OR3A3: variants seen among roughly 807,000 people sequenced by gnomAD.
The protein encoded by OR3A3 is olfactory receptor 3A3.
For synonymous variants in OR3A3, 103 were observed against 163.9 expected (o/e 0.63, Z 2.84); for missense variants, 275 against 391.4 (o/e 0.70, Z 2.51).
exon 3 of OR3A3, chr17:3,421,566 G>A (rs761199940): frequency 1.7e-5 from 25 of 1,513,850 alleles, no homozygotes; most frequent in African/African-American, 2.8e-5. Context: ...TTTCTGGACC[G>A]AGGAAAATTT....
At chr17:3,413,830 C>CAAAAAA (rs764854122) in intron 2 of OR3A3, among the ~76,000 whole-genome samples, 1 of 74,944 alleles carries the variant, frequency 1.3e-5, no homozygotes, top group Non-Finnish European at 3.4e-5. Flanking sequence ...CAAAAAAAAA[C>CAAAAAA]AAAAAAACAA....
intron 2 of OR3A3, among the ~76,000 whole-genome samples, chr17:3,417,518 G>T (rs2072399818): frequency 6.6e-6 from 1 of 151,998 alleles, no homozygotes; most frequent in Non-Finnish European, 1.5e-5. Context: ...CAGTTATTTT[G>T]TTTTCTTTTT....
At chr17:3,412,861 C>T (rs2072369883) in intron 2 of OR3A3, among the ~76,000 whole-genome samples, 1 of 152,114 alleles carries the variant, frequency 6.6e-6, no homozygotes, top group Admixed American at 6.5e-5. Flanking sequence ...AACCTTGCAC[C>T]CTGCATTTAA....
chr17:3,416,390 C>A (rs2072391704), intron 2 of OR3A3, among the ~76,000 whole-genome samples: 1 of 151,490 alleles, frequency 6.6e-6, no homozygotes, highest in Non-Finnish European at 1.5e-5. Flanking sequence ...TTTATGATTT[C>A]ATATTTTCTT....
intron 2 of OR3A3, among the ~76,000 whole-genome samples, chr17:3,418,250 A>T (rs190523485): frequency 3.3e-5 from 5 of 152,286 alleles, no homozygotes; most frequent in Admixed American, 3.3e-4. Context: ...ATCTTTAACT[A>T]GACCTTGTGC....
In OR3A3 at chr17:3,420,430, C is replaced by G. The variant is rs901908; in HGVS notation, c.-6-150C>G. The G allele has an allele frequency of 2.1e-4, 281 of 1,354,474 alleles. No homozygotes were observed. The African/African-American group carries it at 3.6e-3, about 17-fold the overall frequency. The allele number at this position is 1,354,474 out of a possible 1,614,324, so 83.9% of individuals were successfully genotyped here. A position where few individuals can be genotyped will look rare whatever the true frequency, so the allele number is the denominator to read the frequency against. Reference sequence around the variant, plus strand: ...ACAAGGTGGTGGTGGCATTCGGCATCTCAACCAAGAGCAAGGTAAAGGCAT... The same window carrying G: ...ACAAGGTGGTGGTGGCATTCGGCATGTCAACCAAGAGCAAGGTAAAGGCAT... On this transcript the variant is annotated intron_variant, in intron 2 of 2. Coordinates refer to ENST00000641141, the Ensembl canonical transcript of OR3A3.
chr17:3,420,846 T>C (rs550550074), exon 3 of OR3A3: 2 of 1,452,244 alleles, frequency 1.4e-6, no homozygotes, highest in African/African-American at 2.9e-5. Context: ...TGTTGGGTCG[T>C]CTCTTGTCCC....
exon 3 of OR3A3, chr17:3,421,066 A>T: frequency 6.2e-7 from 1 of 1,614,106 alleles, no homozygotes. Context: ...CAACGCACTG[A>T]CCCACACTGT....
At chr17:3,419,080 G>GA (rs1372584989) in intron 2 of OR3A3, among the ~76,000 whole-genome samples, 1 of 152,150 alleles carries the variant, frequency 6.6e-6, no homozygotes, top group Non-Finnish European at 1.5e-5. Flanking sequence ...AATGTACACA[G>GA]AAAAAATAAT....
At chr17:3,420,000 C>T (rs1287628328) in intron 2 of OR3A3, among the ~76,000 whole-genome samples, 1 of 152,086 alleles carries the variant, frequency 6.6e-6, no homozygotes, top group Non-Finnish European at 1.5e-5. Flanking sequence ...ATCTCCTGAC[C>T]TCGTGATCCG....
At chr17:3,423,859 G>A (rs2072452993) in exon 3 of OR3A3, 1 of 150,854 alleles carries the variant, frequency 6.6e-6, no homozygotes, top group African/African-American at 2.4e-5. Context: ...CTTGAACCCA[G>A]AAGGCAGAAG....
At position 3,414,318 on chromosome 17, in the gene OR3A3, A is replaced by G. The variant is rs555096139; in HGVS notation, c.-7+2147A>G. 3.0e-3 allele frequency among the ~76,000 whole-genome samples: 449 copies of G among 152,116 alleles called. 2 individuals are homozygous for G. Among genetic ancestry groups the G allele is most frequent in the African/African-American group, 0.01 (430 of 41,502 alleles). The stretch of plus-strand genomic sequence containing the variant: ...GATCTCCTGACCTCATGATCCGCCC[A>G]CCTCGGCCTCCCACAGTGCTGGGAT... On this transcript the variant is annotated intron_variant, in intron 2 of 2. Coordinates refer to ENST00000641141, the Ensembl canonical transcript of OR3A3.
chr17:3,413,618 A>T (rs1191511487), intron 2 of OR3A3, among the ~76,000 whole-genome samples: 1 of 151,924 alleles, frequency 6.6e-6, no homozygotes, highest in East Asian at 1.9e-4. Context: ...TTCGAGACCA[A>T]CCTGGTCAAC....
At chr17:3,415,571 A>AG (rs1434879925) in intron 2 of OR3A3, among the ~76,000 whole-genome samples, 1 of 150,282 alleles carries the variant, frequency 6.7e-6, no homozygotes, top group Non-Finnish European at 1.5e-5. Context: ...CAAAAAAAAA[A>AG]AAAAGAAAAG....
intron 2 of OR3A3, among the ~76,000 whole-genome samples, chr17:3,414,364 G>C (rs7215035): frequency 1 from 152,365 of 152,368 alleles, 76,181 homozygotes; most frequent in Middle Eastern, 1. Flanking sequence ...AGCCACCATG[G>C]CCGGCCAGGA....
At chr17:3,419,742 T>G (rs2072415289) in intron 2 of OR3A3, among the ~76,000 whole-genome samples, 1 of 147,364 alleles carries the variant, frequency 6.8e-6, no homozygotes, top group African/African-American at 2.5e-5. Flanking sequence ...TTTTTTTTTT[T>G]TTTTTTTTTG....
chr17:3,420,334 A>G (rs1395471334), intron 2 of OR3A3, among the ~76,000 whole-genome samples: 2 of 152,188 alleles, frequency 1.3e-5, no homozygotes, highest in South Asian at 2.1e-4. Context: ...CTCATGTTAT[A>G]AATTAGATCT....
At chr17:3,420,067 A>G (rs2072420177) in intron 2 of OR3A3, among the ~76,000 whole-genome samples, 1 of 152,120 alleles carries the variant, frequency 6.6e-6, no homozygotes, top group Non-Finnish European at 1.5e-5. Flanking sequence ...GCGCCCGGGG[A>G]AAATTCTATC....
At chr17:3,418,392 T>C (rs1244329672) in intron 2 of OR3A3, among the ~76,000 whole-genome samples, 1 of 152,224 alleles carries the variant, frequency 6.6e-6, no homozygotes, top group Non-Finnish European at 1.5e-5. Flanking sequence ...ACTTCTCTAA[T>C]GTCAATGCTG....
Sources: allele counts gnomAD v4.1 joint callset (sites outside exome capture counted in the v4.1 genomes callset), GRCh38; gene constraint gnomAD v4.1.1; transcripts MANE v1.5; gene names NCBI Gene and HGNC (gene_info 2026-07-23, HGNC 2026-07-21).